Variants in ARIH2 observed in about 807,000 individuals in gnomAD.
ARIH2 encodes the protein ariadne RBR E3 ubiquitin protein ligase 2, also known as E3 ubiquitin-protein ligase ARIH2.
In ARIH2, 12 loss-of-function variants were observed where a neutral mutation model predicts 79.8. That is an observed-to-expected ratio of 0.15 (90% CI 0.10 to 0.24). The LOEUF is 0.24. Ranked by LOEUF, ARIH2 falls within the 10% of genes least tolerant of loss-of-function variation. The pLI is 1.00. For missense variants in ARIH2, 301 were observed against 618.3 expected, an observed-to-expected ratio of 0.49 and a Z score of 5.44; for synonymous variants, 224 against 213.9, an observed-to-expected ratio of 1.05 and a Z score of -0.41.
intron 3 of ARIH2, among the ~76,000 whole-genome samples, chr3:48,949,990 A>G (rs1189960869): frequency 6.6e-6 from 1 of 152,068 alleles, no homozygotes; most frequent in Non-Finnish European, 1.5e-5. Flanking sequence ...TGTCATATCT[A>G]GAAATCTTTG....
chr3:48,934,950 C>T lies in ARIH2; in HGVS notation c.255+7137C>T, dbSNP rs190933498. 289 of 985,004 alleles carry T rather than the reference C, an allele frequency of 2.9e-4. 1 individual carries two copies. In the African/African-American group the frequency reaches 3.6e-3, roughly 12 times the overall value. The allele number at this position is 985,004 out of a possible 1,614,324, so 61.0% of individuals were successfully genotyped here. A position where few individuals can be genotyped will look rare whatever the true frequency, so the allele number is the denominator to read the frequency against. On this transcript the variant is annotated intron_variant, in intron 3 of 15. Coordinates refer to ENST00000356401, the MANE Select transcript of ARIH2 (RefSeq NM_006321.4). ...AGTCATGTGTAATCAAGGGGTGATA[C>T]GGTATTTGTGTGTGTTTGTTTTTTT... is the stretch of plus-strand genomic sequence containing the variant.
In ARIH2 at chr3:48,980,427, G is replaced by C. The variant is rs771517976; in HGVS notation, c.1188G>C (p.Arg396Ser). Residue 396 changes from arginine (R) to serine (S), a missense_variant, in exon 13 of 16, where the codon AGG becomes AGC. Physicochemically the swap from Arg to Ser is moderately radical, Grantham distance 110. Around this residue, in one of 2 missense-constraint regions of ARIH2, gnomAD observed 78 missense variants for 268.9 expected, o/e 0.29. Coordinates refer to ENST00000356401, the MANE Select transcript of ARIH2 (RefSeq NM_006321.4). ...YQRIHEKIQE[R>S]VMNNLGTWID... ...GGATTCACGAGAAGATTCAGGAGAG[G>C]GTCATGAACAATCTGGGGACATGGA... is the stretch of plus-strand genomic sequence containing the variant. 1.2e-6 allele frequency: 2 copies of C among 1,614,114 alleles called. No homozygotes were observed. The highest frequency in any genetic ancestry group is 3.3e-5 in the Admixed American group (2 of 60,018).
At chr3:48,958,512 C>G (rs1340687445) in intron 3 of ARIH2, among the ~76,000 whole-genome samples, 4 of 151,856 alleles carry the variant, frequency 2.6e-5, no homozygotes, top group Non-Finnish European at 5.9e-5. Flanking sequence ...GAGTTCAAGA[C>G]CAGCCGGGCC....
In ARIH2 at chr3:48,983,402, C is replaced by T; in HGVS notation, c.*132C>T. The T allele has an allele frequency of 1.3e-6, 1 of 795,938 alleles. No homozygotes were observed. The highest frequency in any genetic ancestry group is 2.1e-6 in the Non-Finnish European group (1 of 466,610). The allele number at this position is 795,938 out of a possible 1,614,324, so 49.3% of individuals were successfully genotyped here. A position where few individuals can be genotyped will look rare whatever the true frequency, so the allele number is the denominator to read the frequency against. On this transcript the variant is annotated 3_prime_UTR_variant, in exon 16 of 16. Coordinates refer to ENST00000356401, the MANE Select transcript of ARIH2 (RefSeq NM_006321.4). The stretch of plus-strand genomic sequence containing the variant: ...GGGCCCCACTCCTGAGAGACACTGG[C>T]AACACCTCTTAGTTGATTTCTGTTT...
intron 3 of ARIH2, among the ~76,000 whole-genome samples, chr3:48,933,821 G>A (rs578140703): frequency 6.6e-6 from 1 of 152,182 alleles, no homozygotes; most frequent in African/African-American, 2.4e-5. Flanking sequence ...AACGTGCTGG[G>A]ATTACAGGTG....
chr3:48,924,474 C>G (rs952080945), intron 2 of ARIH2, among the ~76,000 whole-genome samples: 1 of 151,654 alleles, frequency 6.6e-6, no homozygotes, highest in African/African-American at 2.4e-5. Flanking sequence ...TCGATGTAGC[C>G]AGGACTACAG....
intron 7 of ARIH2, among the ~76,000 whole-genome samples, chr3:48,969,806 T>C (rs1382852946): frequency 6.6e-6 from 1 of 152,144 alleles, no homozygotes; most frequent in African/African-American, 2.4e-5. Context: ...CTGGGTCTTG[T>C]CATGCACATG....
chr3:48,927,504 G>C lies in ARIH2; in HGVS notation c.-55G>C. 6.3e-7 allele frequency: 1 copy of C among 1,583,556 alleles called. No homozygotes were observed. The highest frequency in any genetic ancestry group is 1.9e-5 in the Admixed American group (1 of 53,788). Reference sequence around the variant, plus strand: ...GCATTTGAGAAAGCGGTAGTTTTGGGGGGAGGGGGAAAAAGCAACTGCTTT... The same window carrying C: ...GCATTTGAGAAAGCGGTAGTTTTGGCGGGAGGGGGAAAAAGCAACTGCTTT... On this transcript the variant is annotated 5_prime_UTR_variant, in exon 3 of 16. Transcript: ENST00000356401.
intron 3 of ARIH2, chr3:48,945,249 C>G (rs1288294776): frequency 2.4e-6 from 3 of 1,250,348 alleles, no homozygotes; most frequent in Non-Finnish European, 3.1e-6. Context: ...GGGGAAAAGT[C>G]TATTTGCAAG....
At position 48,983,557 on chromosome 3, in the gene ARIH2, G is replaced by A; in HGVS notation, c.*287G>A. The A allele has an allele frequency of 2.9e-6, 1 of 342,606 alleles. No individual in the cohort carries two copies. Among genetic ancestry groups the A allele is most frequent in the Non-Finnish European group, 5.3e-6 (1 of 187,962 alleles). The allele number at this position is 342,606 out of a possible 1,614,324, so 21.2% of individuals were successfully genotyped here. A position where few individuals can be genotyped will look rare whatever the true frequency, so the allele number is the denominator to read the frequency against. ...AGTGTTTTCTGAATGGCTATTAATA[G>A]TATTAGATCATTACAACTTATGTAA... On this transcript the variant is annotated 3_prime_UTR_variant, in exon 16 of 16. Transcript: ENST00000356401.
chr3:48,936,853 C>G (rs2087219974), intron 3 of ARIH2, among the ~76,000 whole-genome samples: 1 of 152,024 alleles, frequency 6.6e-6, no homozygotes, highest in Admixed American at 6.6e-5. Context: ...ACGTTGAAAC[C>G]CTGTCTGTAC....
intron 3 of ARIH2, among the ~76,000 whole-genome samples, chr3:48,950,463 G>A (rs576960745): frequency 2.0e-5 from 3 of 152,348 alleles, no homozygotes; most frequent in South Asian, 4.1e-4. Flanking sequence ...GTCAGATGGT[G>A]TAAGTCTTTC....
At chr3:48,972,636 C>T (rs1475043927) in intron 8 of ARIH2, among the ~76,000 whole-genome samples, 1 of 152,060 alleles carries the variant, frequency 6.6e-6, no homozygotes, top group African/African-American at 2.4e-5. Flanking sequence ...AAGAGCGAAA[C>T]TCCATTTCAG....
chr3:48,979,750 T>G, intron 12 of ARIH2, 117 bp downstream of exon 12: 1 of 1,121,790 alleles, frequency 8.9e-7, no homozygotes, highest in South Asian at 1.5e-5. Flanking sequence ...AGTCAGTGAA[T>G]GGAGCTCCTG....
chr3:48,966,967 C>T (rs548229073), intron 5 of ARIH2, among the ~76,000 whole-genome samples, 158 bp from the exon 6 acceptor site: 1 of 152,286 alleles, frequency 6.6e-6, no homozygotes, highest in South Asian at 2.1e-4. Context: ...ATACTTTTAG[C>T]TTAGTACCCT....
At chr3:48,969,167 C>A (rs1351379620) in intron 7 of ARIH2, among the ~76,000 whole-genome samples, 1 of 152,000 alleles carries the variant, frequency 6.6e-6, no homozygotes, top group Non-Finnish European at 1.5e-5. Flanking sequence ...GCCACTGCAC[C>A]CAGCCTCTTT....
In ARIH2 at chr3:48,927,693, T is replaced by C. The variant is rs2085820789; in HGVS notation, c.135T>C (p.Asp45=). Residue 45 remains aspartate (D), a synonymous_variant, in exon 3 of 16, where the codon GAT becomes GAC. Transcript: ENST00000356401. ...IEDYYVGVAS[D]VEQQGADAFD... is the part of the protein sequence containing the mutation. ...ACTATTACGTGGGAGTAGCCAGCGA[T>C]GTGGAGCAGCAGGGGGCTGATGCCT... The C allele has an allele frequency of 1.2e-6, 2 of 1,613,982 alleles. No homozygotes were observed. The highest frequency in any genetic ancestry group is 1.7e-5 in the Admixed American group (1 of 59,980).
chr3:48,964,135 A>G (rs2091546453), intron 4 of ARIH2, among the ~76,000 whole-genome samples: 1 of 151,772 alleles, frequency 6.6e-6, no homozygotes, highest in Admixed American at 6.6e-5. Context: ...GGTTCAAGCG[A>G]TCCTCCTGCT....
intron 6 of ARIH2, 22 bp downstream of exon 6, chr3:48,967,297 T>C (rs1559827584): frequency 4.4e-6 from 7 of 1,608,328 alleles, no homozygotes; most frequent in African/African-American, 2.7e-5. Context: ...ACAAAACTTA[T>C]AAAAAGCTGG....
Sources: allele counts gnomAD v4.1 joint callset (sites outside exome capture counted in the v4.1 genomes callset), GRCh38; gene constraint gnomAD v4.1.1; regional missense constraint gnomAD v4.1.1; transcripts MANE v1.5; gene names NCBI Gene and HGNC (gene_info 2026-07-23, HGNC 2026-07-21).